IGSF9B: variants seen among roughly 807,000 people sequenced by gnomAD.
The protein encoded by IGSF9B is protein turtle homolog B.
In IGSF9B, 48 loss-of-function variants were observed where a neutral mutation model predicts 143.7. That is an observed-to-expected ratio of 0.33 (90% CI 0.26 to 0.42). The LOEUF is 0.42. Among genes scored for constraint, IGSF9B ranks in the 20% least tolerant of loss-of-function variants. The pLI, the probability that IGSF9B is intolerant of heterozygous loss-of-function variation, is 1.00. For synonymous variants in IGSF9B, 903 were observed against 833.1 expected, an observed-to-expected ratio of 1.08 and a Z score of -1.44; for missense variants, 1,706 against 1,980.0, an observed-to-expected ratio of 0.86 and a Z score of 2.63.
At position 133,948,853 on chromosome 11, in the gene IGSF9B, G is replaced by A. The variant is rs1206828035; in HGVS notation, c.65-2595C>T. 2.6e-5 allele frequency among the ~76,000 whole-genome samples: 4 copies of A among 152,206 alleles called. No homozygotes were observed. ...GACAGCAGGCACCTCCAACAGTGGA[G>A]TTTGCTCTGGTGAGCTGGCTTCCAG... On this transcript the variant is annotated intron_variant, in intron 1 of 19. Transcript: ENST00000533871. The surrounding 1 kb of genome is among the most constrained non-coding windows in gnomAD (Gnocchi z 4.7).
Position 133,905,081 on chromosome 11 carries a change from C to T in IGSF9B, c.*3988G>A, listed in dbSNP as rs936280107. On this transcript the variant is annotated 3_prime_UTR_variant, in exon 20 of 20. Transcript: ENST00000533871. This position sits in a 1 kb window ranked among gnomAD's most constrained non-coding sequence, Gnocchi z 4.0. ...GAGCCTTCCATGACCCGCTCAGCTC[C>T]ACCCTCTGCCCCTTCCTGCAGCTCC... 1.3e-5 allele frequency among the ~76,000 whole-genome samples: 2 copies of T among 151,964 alleles called. No individual in the cohort carries two copies. The highest frequency in any genetic ancestry group is 2.1e-4 in the South Asian group (1 of 4,792).
At chr11:133,944,433 G>A (rs1211607468) in intron 2 of IGSF9B, 67 bp from the exon 3 acceptor site, 10 of 1,527,946 alleles carry the variant, frequency 6.5e-6, no homozygotes, top group Middle Eastern at 2.3e-4. Flanking sequence ...CCCGCCCCCT[G>A]CCCCAGCTAA....
rs1940031293 is a variant in IGSF9B, at chr11:133,945,514, CA to C, written c.262+546del. On this transcript the variant is annotated intron_variant, in intron 2 of 19. Coordinates refer to ENST00000533871, the MANE Select transcript of IGSF9B (RefSeq NM_001277285.4). The surrounding 1 kb of genome is among the most constrained non-coding windows in gnomAD (Gnocchi z 4.6). ...CCCTCCTCTCCCGCGGGCTGGGGGGCAGGCAGCGGCAGTGAGTCACGAGGCC... is the reference window on the plus strand; with the variant it reads ...CCCTCCTCTCCCGCGGGCTGGGGGGCGGCAGCGGCAGTGAGTCACGAGGCC... Among the ~76,000 whole-genome samples the C allele has an allele frequency of 2.0e-5, 3 of 152,190 alleles. No homozygotes were observed. The highest frequency in any genetic ancestry group is 4.8e-5 in the African/African-American group (2 of 41,446).
At position 133,937,411 on chromosome 11, in the gene IGSF9B, C is replaced by T. The variant is rs980230298; in HGVS notation, c.644G>A (p.Gly215Glu). The change falls in exon 5 of 20, where the codon GGG (glycine) becomes GAG (glutamate). Residue 215 changes from glycine (G) to glutamate (E), a missense_variant. Physicochemically the swap from Gly to Glu is moderately conservative, Grantham distance 98. Coordinates refer to ENST00000533871, the MANE Select transcript of IGSF9B (RefSeq NM_001277285.4). The part of the protein sequence containing the change: ...AYTCRAYSIQ[G>E]EAVHTTHLLV... Reference sequence around the variant, plus strand: ...CAGGTGAGTCGTGTGGACAGCCTCCCCCTGAATGCTGTACGCTCGGCAGGT... The same window carrying T: ...CAGGTGAGTCGTGTGGACAGCCTCCTCCTGAATGCTGTACGCTCGGCAGGT... The T allele has an allele frequency of 6.2e-7, 1 of 1,613,382 alleles. No individual in the cohort carries two copies. The highest frequency in any genetic ancestry group is 8.5e-7 in the Non-Finnish European group (1 of 1,179,508).
In IGSF9B at chr11:133,919,730, C is replaced by T. The variant is rs1939474345; in HGVS notation, c.3983+12G>A. 2 of 1,395,206 alleles carry T rather than the reference C, an allele frequency of 1.4e-6. No individual in the cohort carries two copies. Among genetic ancestry groups the T allele is most frequent in the Admixed American group, 2.9e-5 (1 of 34,708 alleles). The allele number at this position is 1,395,206 out of a possible 1,614,324, so 86.4% of individuals were successfully genotyped here. On this transcript the variant is annotated intron_variant, in intron 18 of 19. Transcript: ENST00000533871. ...GCCCAGGTGCGGGTGGCGGAAGAGG[C>T]GGCGCACTCACCCTGAAGTAGGTAA...
At chr11:133,946,007 G>A (rs564661636) in intron 2 of IGSF9B, 54 bp downstream of exon 2, 17 of 1,281,692 alleles carry the variant, frequency 1.3e-5, no homozygotes, top group African/African-American at 1.2e-4. Context: ...GGGAACCACC[G>A]AGGAGCTGAC....
chr11:133,918,132 G>C (rs1351106289), intron 18 of IGSF9B, among the ~76,000 whole-genome samples: 1 of 151,994 alleles, frequency 6.6e-6, no homozygotes, highest in African/African-American at 2.4e-5. Flanking sequence ...ATCGAGGAGC[G>C]GCAGCGGCCA....
rs1218716136 is a variant in IGSF9B, at chr11:133,931,105, A to C, written c.1398T>G (p.Ser466Arg). 6.2e-7 allele frequency: 1 copy of C among 1,613,462 alleles called. No individual in the cohort carries two copies. Among genetic ancestry groups the C allele is most frequent in the East Asian group, 2.2e-5 (1 of 44,840 alleles). Residue 466 changes from serine to arginine, a missense_variant, in exon 11 of 20, where the codon AGT becomes AGG. Physicochemically the swap from Ser to Arg is moderately radical, Grantham distance 110. Coordinates refer to ENST00000533871, the MANE Select transcript of IGSF9B (RefSeq NM_001277285.4). The surrounding 1 kb of genome is among the most constrained non-coding windows in gnomAD (Gnocchi z 7.7). ...KVGKPSRSKH[S>R]ALPSGSLQFR... ...ACTGCAGGCTCCCACTGGGCAGGGC[A>C]CTGTGCTTGCTTCTGCTGGGCTTCC...
chr11:133,919,154 A>G (rs771839413), intron 18 of IGSF9B: 2 of 427,052 alleles, frequency 4.7e-6, no homozygotes, highest in Admixed American at 4.9e-5. Flanking sequence ...GCACATGGTC[A>G]CAAGGCCTGA....
intron 14 of IGSF9B, among the ~76,000 whole-genome samples, chr11:133,925,174 C>T (rs1353741999): frequency 3.9e-5 from 6 of 152,110 alleles, no homozygotes; most frequent in Admixed American, 6.5e-5. Context: ...CACTGGGAGC[C>T]GACTCCAGCA....
chr11:133,932,450 G>A (rs1939752735), intron 7 of IGSF9B, among the ~76,000 whole-genome samples: 1 of 149,730 alleles, frequency 6.7e-6, no homozygotes, highest in Non-Finnish European at 1.5e-5. Context: ...CAGACAGACA[G>A]ACACAGGGAC....
At chr11:133,933,530 G>A (rs897769874) in intron 7 of IGSF9B, among the ~76,000 whole-genome samples, 1 of 152,224 alleles carries the variant, frequency 6.6e-6, no homozygotes, top group Non-Finnish European at 1.5e-5. Flanking sequence ...AGGACTGCAT[G>A]AGGCTAGGAG....
At chr11:133,915,435 T>A (rs1486762978) in intron 18 of IGSF9B, among the ~76,000 whole-genome samples, 2 of 151,922 alleles carry the variant, frequency 1.3e-5, no homozygotes, top group Non-Finnish European at 2.9e-5. Flanking sequence ...TGCCCAGCTA[T>A]TTTTTTGTAT....
At position 133,939,732 on chromosome 11, in the gene IGSF9B, G is replaced by A. The variant is rs143099681; in HGVS notation, c.410-1771C>T. Among the ~76,000 whole-genome samples, 531 of 150,590 alleles carry A rather than the reference G, an allele frequency of 3.5e-3. 2 individuals are homozygous for A. Among genetic ancestry groups the A allele is most frequent in the African/African-American group, 0.012 (504 of 40,796 alleles). ...CACACGTCATCACATGCAAAAACAC[G>A]CACCTCGCACGTCCTTGCACGCGTC... is the stretch of plus-strand genomic sequence containing the variant. On this transcript the variant is annotated intron_variant, in intron 3 of 19. Transcript: ENST00000533871.
intron 5 of IGSF9B, 93 bp from the exon 6 acceptor site, chr11:133,936,287 GTGCCCTGAACACTGCGA>G (rs1214966209): frequency 3.3e-6 from 4 of 1,205,954 alleles, no homozygotes; most frequent in East Asian, 2.5e-5. Context: ...TCAGGAAGCG[GTGCCCTGAACACTGCGA>G]TGGGGGCGGC....
chr11:133,952,784 C>T (rs1488478925), intron 1 of IGSF9B, among the ~76,000 whole-genome samples: 1 of 152,038 alleles, frequency 6.6e-6, no homozygotes, highest in Non-Finnish European at 1.5e-5. Flanking sequence ...TGCGCACACA[C>T]ATGTGCACAT....
intron 17 of IGSF9B, among the ~76,000 whole-genome samples, chr11:133,921,832 A>C (rs1164930530): frequency 6.6e-6 from 1 of 152,154 alleles, no homozygotes; most frequent in Non-Finnish European, 1.5e-5. Flanking sequence ...AGCTCACTTT[A>C]ATATCAACTT....
chr11:133,912,414 T>G (rs1024258409), intron 18 of IGSF9B: 5 of 457,478 alleles, frequency 1.1e-5, no homozygotes, highest in African/African-American at 1.0e-4. Context: ...AAGGGCATAT[T>G]AGAGCAGGGG....
chr11:133,946,084 G>C lies in IGSF9B; in HGVS notation c.239C>G (p.Pro80Arg). The C allele has an allele frequency of 8.8e-6, 14 of 1,593,844 alleles. No homozygotes were observed. Among genetic ancestry groups the C allele is most frequent in the Non-Finnish European group, 1.2e-5 (14 of 1,168,520 alleles). The change falls in exon 2 of 20, where the codon CCG (proline) becomes CGG (arginine). Residue 80 changes from proline (P) to arginine (R), a missense_variant. This residue lies in a region of IGSF9B where 171 missense variants were observed against 213.9 expected (regional missense o/e 0.80). Coordinates refer to ENST00000533871, the MANE Select transcript of IGSF9B (RefSeq NM_001277285.4). Reference protein sequence around the residue: ...PIFIKFGYYPPHVDPEYAGRA... With the variant: ...PIFIKFGYYPRHVDPEYAGRA... ...ACCTGCATACTCAGGGTCCACGTGCGGCGGGTAGTAGCCAAACTTGATGAA... is the reference window on the plus strand; with the variant it reads ...ACCTGCATACTCAGGGTCCACGTGCCGCGGGTAGTAGCCAAACTTGATGAA...
Sources: gnomAD v4.1 joint callset for allele counts (sites outside exome capture counted in the v4.1 genomes callset) on GRCh38, gnomAD v4.1.1 for gene constraint, gnomAD v4.1.1 regional missense constraint, Gnocchi (gnomAD v3.1) non-coding constraint, MANE v1.5 for transcripts, NCBI Gene and HGNC (gene_info 2026-07-23, HGNC 2026-07-21) for gene names.